The following CDH18 variants were observed in gnomAD, a reference collection of about 807,000 sequenced individuals.
The protein encoded by CDH18 is cadherin-18.
A neutral mutation model predicts 67.9 loss-of-function variants in CDH18; 31 were observed. That is an observed-to-expected ratio of 0.46 (90% CI 0.34 to 0.62). The LOEUF (loss-of-function observed/expected upper bound fraction) is 0.62, where lower values mean the gene tolerates loss of function less well. CDH18 is among the 20% of genes least tolerant of loss of function. CDH18 has a pLI of 0.01. For synonymous variants in CDH18, 362 were observed against 347.2 expected (o/e 1.04, Z -0.48); for missense variants, 890 against 975.5 (o/e 0.91, Z 1.17).
intron 4 of CDH18, among the ~76,000 whole-genome samples, chr5:19,733,249 T>C (rs1377466553): frequency 6.6e-6 from 1 of 152,198 alleles, no homozygotes; most frequent in East Asian, 1.9e-4. Context: ...GTGCTTTCCT[T>C]TGATTGAGCT....
chr5:20,567,245 C>T (rs1258687054), intron 1 of CDH18, among the ~76,000 whole-genome samples: 6 of 152,148 alleles, frequency 3.9e-5, no homozygotes, highest in Non-Finnish European at 5.9e-5. Context: ...AAAGAGACTT[C>T]TTTGGTTCTT....
intron 2 of CDH18, among the ~76,000 whole-genome samples, chr5:20,083,426 T>C (rs1744661428): frequency 6.6e-6 from 1 of 152,068 alleles, no homozygotes; most frequent in South Asian, 2.1e-4. Context: ...AATTGCAGAG[T>C]TGTGGCAACC....
intron 1 of CDH18, among the ~76,000 whole-genome samples, chr5:20,433,207 C>T (rs1748903120): frequency 6.6e-6 from 1 of 150,878 alleles, no homozygotes; most frequent in African/African-American, 2.4e-5. Flanking sequence ...TGGGATAAAG[C>T]TCTTAAAGGA....
chr5:19,666,103 T>C (rs1757881493), intron 5 of CDH18, among the ~76,000 whole-genome samples: 2 of 151,626 alleles, frequency 1.3e-5, no homozygotes, highest in Admixed American at 6.6e-5. Context: ...AGGGTCTTGC[T>C]CTGTCACCCA....
chr5:19,619,604 C>T (rs116257701), intron 5 of CDH18, among the ~76,000 whole-genome samples: 2,467 of 152,284 alleles, frequency 0.016, 70 homozygotes, highest in African/African-American at 0.056. Context: ...AGATTAGGTA[C>T]TCAGTGATTA....
At chr5:20,144,923 T>C (rs551452409) in intron 2 of CDH18, among the ~76,000 whole-genome samples, 1 of 152,236 alleles carries the variant, frequency 6.6e-6, no homozygotes, top group African/African-American at 2.4e-5. Flanking sequence ...GGTGATGCTC[T>C]ACCAGCCAAG....
chr5:19,669,865 A>C (rs191424223), intron 5 of CDH18, among the ~76,000 whole-genome samples: 1 of 152,288 alleles, frequency 6.6e-6, no homozygotes, highest in Admixed American at 6.5e-5. Context: ...ACACAACAGA[A>C]ACAAAGAAAA....
At chr5:19,524,292 C>T (rs1288220930) in intron 9 of CDH18, among the ~76,000 whole-genome samples, 1 of 149,134 alleles carries the variant, frequency 6.7e-6, no homozygotes, top group African/African-American at 2.4e-5. Flanking sequence ...TAATATGATG[C>T]TTGTATATTA....
At chr5:20,462,369 G>T (rs558222793) in intron 1 of CDH18, among the ~76,000 whole-genome samples, 1 of 152,194 alleles carries the variant, frequency 6.6e-6, no homozygotes, top group African/African-American at 2.4e-5. Context: ...GTATATAGAG[G>T]TGGAAGATGA....
chr5:19,499,310 C>A (rs1003728614), intron 11 of CDH18, among the ~76,000 whole-genome samples: 1 of 152,144 alleles, frequency 6.6e-6, no homozygotes, highest in Non-Finnish European at 1.5e-5. Context: ...ACTACAGATT[C>A]TTTCCCAACT....
rs1309667405 is a variant in CDH18, at chr5:19,473,069, C to T, written c.*157G>A. The T allele has an allele frequency of 8.4e-6, 6 of 717,020 alleles. No individual in the cohort carries two copies. The highest frequency in any genetic ancestry group is 2.6e-5 in the East Asian group (1 of 38,076). 44.4% of individuals were successfully genotyped at this position (717,020 alleles called of 1,614,324 possible). On this transcript the variant is annotated 3_prime_UTR_variant, in exon 13 of 13. Coordinates refer to ENST00000382275, the MANE Select transcript of CDH18 (RefSeq NM_004934.5). ...TTTTACTTTCTTCCAATTAAATAAC[C>T]CAGTTTCGATCATGAAAAGGGCACT...
At chr5:20,371,881 G>A (rs1743030670) in intron 1 of CDH18, among the ~76,000 whole-genome samples, 1 of 152,142 alleles carries the variant, frequency 6.6e-6, no homozygotes, top group African/African-American at 2.4e-5. Context: ...GTAAGTTTGA[G>A]GCTTTGGCGA....
At chr5:19,879,867 T>C (rs1201856638) in intron 2 of CDH18, among the ~76,000 whole-genome samples, 1 of 152,026 alleles carries the variant, frequency 6.6e-6, no homozygotes, top group Non-Finnish European at 1.5e-5. Context: ...TTTGATGTCA[T>C]GTCTATATAC....
At chr5:20,559,752 C>G (rs186902603) in intron 1 of CDH18, among the ~76,000 whole-genome samples, 400 of 152,068 alleles carry the variant, frequency 2.6e-3, no homozygotes, top group African/African-American at 9.3e-3. Flanking sequence ...ACTGTCTAAG[C>G]GCCTACAAGA....
intron 5 of CDH18, among the ~76,000 whole-genome samples, chr5:19,619,791 T>C (rs576025003): frequency 1.3e-5 from 2 of 152,166 alleles, no homozygotes; most frequent in Non-Finnish European, 1.5e-5. Context: ...GGTATGGTTG[T>C]CTCTATCTCT....
intron 10 of CDH18, among the ~76,000 whole-genome samples, chr5:19,518,614 T>C (rs937126446): frequency 1.3e-5 from 2 of 152,168 alleles, no homozygotes; most frequent in African/African-American, 4.8e-5. Context: ...TGCTGGATCC[T>C]TCCTGACCTT....
At chr5:20,540,941 A>T (rs1230622286) in intron 1 of CDH18, among the ~76,000 whole-genome samples, 1 of 152,194 alleles carries the variant, frequency 6.6e-6, no homozygotes, top group African/African-American at 2.4e-5. Context: ...TCCTTAGGGA[A>T]ACTTGTCAAT....
At chr5:20,185,744 C>A (rs192855712) in intron 2 of CDH18, among the ~76,000 whole-genome samples, 89 of 152,140 alleles carry the variant, frequency 5.8e-4, no homozygotes, top group Non-Finnish European at 1.1e-3. Context: ...ACTTCTCTAC[C>A]TTATATGGCA....
intron 2 of CDH18, among the ~76,000 whole-genome samples, chr5:20,042,474 G>C (rs2150474902): frequency 6.6e-6 from 1 of 152,262 alleles, no homozygotes; most frequent in East Asian, 1.9e-4. Context: ...ATACATTTCT[G>C]AGTAAGTTTG....
Sources: gnomAD v4.1 joint callset for allele counts (sites outside exome capture counted in the v4.1 genomes callset) on GRCh38, gnomAD v4.1.1 for gene constraint, MANE v1.5 for transcripts, NCBI Gene and HGNC (gene_info 2026-07-23, HGNC 2026-07-21) for gene names.